Variants in MR1 observed in about 807,000 individuals in gnomAD.
The protein encoded by MR1 is major histocompatibility complex, class I-related.
MR1 carries 44 observed loss-of-function variants against 37.8 expected under a neutral mutation model. The observed-to-expected ratio is 1.16, with a 90% CI of 0.91 to 1.50. The LOEUF is 1.50. Among genes scored for constraint, MR1 ranks in the 40% most tolerant of loss-of-function variants. MR1 has a pLI of 0.00. For missense variants in MR1, 386 were observed against 419.1 expected, an observed-to-expected ratio of 0.92 and a Z score of 0.69; for synonymous variants, 153 against 155.8, an observed-to-expected ratio of 0.98 and a Z score of 0.13.
At chr1:181,033,838 A>G (rs573457154), upstream of MR1, 56 of 564,964 alleles carry the variant, frequency 9.9e-5, no homozygotes, top group African/African-American at 9.8e-4. Flanking sequence ...CTTAAAAGTT[A>G]CCGAAGAAGG....
At chr1:181,051,422 GAC>G (rs1325700726) in intron 3 of MR1, 1 of 152,162 alleles carries the variant, frequency 6.6e-6, no homozygotes, top group Non-Finnish European at 1.5e-5. Flanking sequence ...TCGGTAAAGA[GAC>G]AAGGAAAGCA....
In MR1 at chr1:181,052,431, G is replaced by T. The variant is rs771923481; in HGVS notation, c.801G>T (p.Glu267Asp). 2.5e-6 allele frequency: 4 copies of T among 1,614,216 alleles called. No homozygotes were observed. The highest frequency in any genetic ancestry group is 3.4e-6 in the Non-Finnish European group (4 of 1,180,044). ...DGTYQAWASI[E>D]LDPQSSNLYS... The stretch of plus-strand genomic sequence containing the variant: ...CCTATCAGGCGTGGGCATCAATTGA[G>T]CTTGATCCTCAGAGCAGCAACCTTT... The change falls in exon 4 of 6, where the codon GAG (glutamate) becomes GAT (aspartate). Residue 267 changes from glutamate (E) to aspartate (D), a missense_variant. Coordinates refer to ENST00000367580, the MANE Select transcript of MR1 (RefSeq NM_001385161.1).
chr1:181,055,364 C>G lies in MR1; in HGVS notation c.*99C>G. ...TAGTGCTTGAAGGTCCTGACGACACCCACAACATACATGAGAGTAATGGGA... is the reference window on the plus strand; with the variant it reads ...TAGTGCTTGAAGGTCCTGACGACACGCACAACATACATGAGAGTAATGGGA... On this transcript the variant is annotated 3_prime_UTR_variant, in exon 6 of 6. Transcript: ENST00000367580. 9.7e-7 allele frequency: 1 copy of G among 1,034,090 alleles called. No individual in the cohort carries two copies. Among genetic ancestry groups the G allele is most frequent in the Non-Finnish European group, 1.5e-6 (1 of 665,650 alleles). The allele number at this position is 1,034,090 out of a possible 1,614,324, so 64.1% of individuals were successfully genotyped here. A position where few individuals can be genotyped will look rare whatever the true frequency, so the allele number is the denominator to read the frequency against.
chr1:181,046,674 G>C (rs117291932), intron 1 of MR1, among the ~76,000 whole-genome samples: 1 of 151,998 alleles, frequency 6.6e-6, no homozygotes, highest in African/African-American at 2.4e-5. Flanking sequence ...TCTCGGGTCC[G>C]CTTCCACACT....
intron 1 of MR1, among the ~76,000 whole-genome samples, chr1:181,042,316 C>T (rs1223704140): frequency 6.6e-6 from 1 of 151,110 alleles, no homozygotes; most frequent in Non-Finnish European, 1.5e-5. Context: ...GATTCTCCTG[C>T]CTCACCTCCC....
chr1:181,060,506 C>T lies in MR1; in HGVS notation c.*5241C>T, dbSNP rs192215990. ...AAACCAAGATCATTAAATGAATTCA[C>T]CGCAACTACAGTGAGACTGACTACC... On this transcript the variant is annotated 3_prime_UTR_variant, in exon 6 of 6. Coordinates refer to ENST00000367580, the MANE Select transcript of MR1 (RefSeq NM_001385161.1). 2.6e-5 allele frequency: 4 copies of T among 152,304 alleles called. No homozygotes were observed. In the East Asian group the frequency reaches 7.7e-4, roughly 29 times the overall value. The allele number at this position is 152,304 out of a possible 1,614,324, so 9.4% of individuals were successfully genotyped here.
chr1:181,049,916 C>T lies in MR1; in HGVS notation c.329-95C>T, dbSNP rs16856582. ...GGCCTGGGGGGTGACATAATGTAGA[C>T]CAAAGGATGCTTCCAGCCATGCCCC... On this transcript the variant is annotated intron_variant, in intron 2 of 5. Transcript: ENST00000367580. The T allele has an allele frequency of 3.2e-4, 458 of 1,429,442 alleles. 6 individuals carry two copies. The East Asian group carries it at 0.01, about 32-fold the overall frequency. The allele number at this position is 1,429,442 out of a possible 1,614,324, so 88.5% of individuals were successfully genotyped here. A position where few individuals can be genotyped will look rare whatever the true frequency, so the allele number is the denominator to read the frequency against.
upstream of MR1, chr1:181,033,770 G>A (rs74945988): frequency 4.3e-3 from 1,772 of 407,598 alleles, 29 homozygotes; most frequent in African/African-American, 0.033. Flanking sequence ...TAAAAATTGG[G>A]AATAGGGTGA....
chr1:181,046,828 G>A (rs567445375), intron 1 of MR1, among the ~76,000 whole-genome samples: 3 of 151,954 alleles, frequency 2.0e-5, no homozygotes, highest in Non-Finnish European at 4.4e-5. Context: ...AGCCCACCAG[G>A]AGGAACGAAC....
At chr1:181,039,094 C>A (rs995021673) in intron 1 of MR1, among the ~76,000 whole-genome samples, 1 of 151,994 alleles carries the variant, frequency 6.6e-6, no homozygotes, top group African/African-American at 2.4e-5. Flanking sequence ...CATGAGCCAC[C>A]ACACCCGGCC....
chr1:181,050,273 C>T lies in MR1; in HGVS notation c.591C>T (p.Thr197=). ...LKRFLEYGKD[T]LQRTEPPLVR... is the part of the protein sequence containing the mutation. The stretch of plus-strand genomic sequence containing the variant: ...GATTCCTGGAGTATGGGAAAGACAC[C>T]CTACAAAGAACAGGTAAAGAGAAAG... The change falls in exon 3 of 6, where the codon ACC becomes ACT. Residue 197 remains threonine (T), a synonymous_variant. Coordinates refer to ENST00000367580, the MANE Select transcript of MR1 (RefSeq NM_001385161.1). 3.1e-6 allele frequency: 5 copies of T among 1,614,102 alleles called. No homozygotes were observed. Among genetic ancestry groups the T allele is most frequent in the Non-Finnish European group, 3.4e-6 (4 of 1,180,022 alleles).
intron 3 of MR1, 144 bp downstream of exon 3, chr1:181,050,430 C>A (rs184211875): frequency 7.7e-6 from 8 of 1,038,328 alleles, no homozygotes; most frequent in African/African-American, 1.6e-5. Flanking sequence ...AGAGCCCCCA[C>A]GAAAACTTTC....
At chr1:181,036,698 T>C (rs1657288171) in intron 1 of MR1, among the ~76,000 whole-genome samples, 2 of 152,312 alleles carry the variant, frequency 1.3e-5, no homozygotes, top group South Asian at 4.1e-4. Context: ...GTTCTGTAAT[T>C]TTCCATTTAC....
chr1:181,035,172 C>T (rs1657208858), intron 1 of MR1, among the ~76,000 whole-genome samples: 1 of 151,744 alleles, frequency 6.6e-6, no homozygotes, highest in African/African-American at 2.4e-5. Context: ...ACACCCATCT[C>T]TACTAAAAAT....
intron 2 of MR1, 46 bp downstream of exon 2, chr1:181,049,358 C>T: frequency 6.4e-7 from 1 of 1,574,018 alleles, no homozygotes; most frequent in Non-Finnish European, 8.6e-7. Context: ...CCACCCCAAC[C>T]CGCAGAGACC....
At chr1:181,038,405 G>A (rs1010764007) in intron 1 of MR1, among the ~76,000 whole-genome samples, 4 of 152,244 alleles carry the variant, frequency 2.6e-5, no homozygotes, top group Middle Eastern at 6.8e-3. Flanking sequence ...TCATTCCCAC[G>A]ATGCTCGAAA....
chr1:181,039,758 C>G (rs1657457256), intron 1 of MR1, among the ~76,000 whole-genome samples: 1 of 149,078 alleles, frequency 6.7e-6, no homozygotes, highest in Admixed American at 6.7e-5. Context: ...CCCAACTACT[C>G]TGGAGGCTGA....
Position 181,049,297 on chromosome 1 carries a change from CACT to C in MR1, c.316_318del (p.Tyr106del). On this transcript the variant is annotated inframe_deletion, in exon 2 of 6. Coordinates refer to ENST00000367580, the MANE Select transcript of MR1 (RefSeq NM_001385161.1). ...GGTGGAACTGAAGCGCCTACAGAGGCACTACAATCACTCAGGTGTGCATGCGGC... is the reference window on the plus strand; with the variant it reads ...GGTGGAACTGAAGCGCCTACAGAGGCACAATCACTCAGGTGTGCATGCGGC... 1 of 1,613,606 alleles carries C rather than the reference CACT, an allele frequency of 6.2e-7. No homozygotes were observed. Among genetic ancestry groups the C allele is most frequent in the Non-Finnish European group, 8.5e-7 (1 of 1,179,762 alleles).
chr1:181,046,834 C>A (rs1051676859), intron 1 of MR1, among the ~76,000 whole-genome samples: 1 of 151,890 alleles, frequency 6.6e-6, no homozygotes, highest in Non-Finnish European at 1.5e-5. Context: ...CCAGGAGGAA[C>A]GAACAACTCC....
Sources: gnomAD v4.1 joint callset for allele counts (sites outside exome capture counted in the v4.1 genomes callset) on GRCh38, gnomAD v4.1.1 for gene constraint, MANE v1.5 for transcripts, NCBI Gene and HGNC (gene_info 2026-07-23, HGNC 2026-07-21) for gene names.